Variants in XKR4 observed in about 807,000 individuals in gnomAD.
XKR4 encodes XK related 4.
In XKR4, 12 loss-of-function variants were observed where a neutral mutation model predicts 53.9. The observed-to-expected ratio is 0.22, with a 90% CI of 0.14 to 0.36. The LOEUF is 0.36. Among genes scored for constraint, XKR4 ranks in the 10% least tolerant of loss-of-function variants. The pLI is 1.00. For synonymous variants in XKR4, 354 were observed against 362.4 expected (o/e 0.98, Z 0.26); for missense variants, 799 against 859.5 (o/e 0.93, Z 0.88).
chr8:55,116,276 A>T (rs895307267), intron 1 of XKR4, among the ~76,000 whole-genome samples: 1 of 152,088 alleles, frequency 6.6e-6, no homozygotes, highest in Non-Finnish European at 1.5e-5. Context: ...CTGAGATAGG[A>T]ACTGAGGAAA....
intron 1 of XKR4, among the ~76,000 whole-genome samples, chr8:55,341,436 A>G (rs528030049): frequency 6.6e-6 from 1 of 152,298 alleles, no homozygotes; most frequent in African/African-American, 2.4e-5. Context: ...AGGATGTACC[A>G]GAGTGTGAGT....
At chr8:55,490,653 T>C (rs1044741044) in intron 2 of XKR4, among the ~76,000 whole-genome samples, 1 of 152,194 alleles carries the variant, frequency 6.6e-6, no homozygotes, top group African/African-American at 2.4e-5. Flanking sequence ...TCTCCTGGCT[T>C]GCATTGTTTA....
intron 1 of XKR4, among the ~76,000 whole-genome samples, chr8:55,289,851 G>GAAAGAAAGAAA (rs1818990790): frequency 7.4e-6 from 1 of 135,618 alleles, no homozygotes; most frequent in African/African-American, 3.0e-5. Flanking sequence ...AAAGAAAGAA[G>GAAAGAAAGAAA]GAAAGAAAGA....
intron 2 of XKR4, among the ~76,000 whole-genome samples, chr8:55,389,326 C>G (rs568886631): frequency 6.6e-6 from 1 of 152,290 alleles, no homozygotes; most frequent in African/African-American, 2.4e-5. Flanking sequence ...TATTCTCAGC[C>G]TGATAGGAAA....
At chr8:55,483,037 A>G (rs1806134573) in intron 2 of XKR4, among the ~76,000 whole-genome samples, 1 of 152,222 alleles carries the variant, frequency 6.6e-6, no homozygotes, top group South Asian at 2.1e-4. Context: ...GTAAATGAAT[A>G]TGAGTGCAAA....
At chr8:55,340,603 G>A (rs1023973113) in intron 1 of XKR4, among the ~76,000 whole-genome samples, 5 of 152,188 alleles carry the variant, frequency 3.3e-5, no homozygotes, top group African/African-American at 1.2e-4. Flanking sequence ...CCTTCCCAGC[G>A]CAGTCACCTC....
At chr8:55,489,516 G>T (rs992598634) in intron 2 of XKR4, among the ~76,000 whole-genome samples, 7 of 151,970 alleles carry the variant, frequency 4.6e-5, no homozygotes, top group African/African-American at 1.7e-4. Context: ...GGACTTAAAA[G>T]ATGAAGTCCT....
intron 1 of XKR4, among the ~76,000 whole-genome samples, chr8:55,343,949 C>T (rs1365478292): frequency 1.3e-5 from 2 of 152,150 alleles, no homozygotes; most frequent in Admixed American, 6.5e-5. Context: ...CCTCTGAAAG[C>T]GTTCAGATGA....
At chr8:55,217,927 C>T (rs1275778738) in intron 1 of XKR4, among the ~76,000 whole-genome samples, 1 of 152,126 alleles carries the variant, frequency 6.6e-6, no homozygotes, top group African/African-American at 2.4e-5. Flanking sequence ...TTTGTTCTAT[C>T]CAGTACTTCA....
In XKR4 at chr8:55,477,354, T is replaced by C. The variant is rs528870182; in HGVS notation, c.1007-45927T>C. Among the ~76,000 whole-genome samples the C allele has an allele frequency of 7.6e-3, 1,156 of 152,204 alleles. 14 individuals carry two copies. The highest frequency in any genetic ancestry group is 0.029 in the South Asian group (141 of 4,832). On this transcript the variant is annotated intron_variant, in intron 2 of 2. Coordinates refer to ENST00000327381, the MANE Select transcript of XKR4 (RefSeq NM_052898.2). The stretch of plus-strand genomic sequence containing the variant: ...ACCTGCAGCTGAGGGTCCTGTCTGT[T>C]AGAAGGAAAACTAACAAACAGAAAG...
At position 55,470,193 on chromosome 8, in the gene XKR4, C is replaced by T. The variant is rs142144482; in HGVS notation, c.1007-53088C>T. The stretch of plus-strand genomic sequence containing the variant: ...TTATTACCGAAGGCACAGAAGCATG[C>T]GTCAGATAATAATATTGGGGGGAAA... On this transcript the variant is annotated intron_variant, in intron 2 of 2. Coordinates refer to ENST00000327381, the MANE Select transcript of XKR4 (RefSeq NM_052898.2). Among the ~76,000 whole-genome samples the T allele has an allele frequency of 1.3e-3, 193 of 152,148 alleles. 2 individuals are homozygous for T. Among genetic ancestry groups the T allele is most frequent in the African/African-American group, 4.3e-3 (177 of 41,470 alleles).
At chr8:55,354,945 C>T (rs1366613314) in intron 1 of XKR4, among the ~76,000 whole-genome samples, 2 of 149,372 alleles carry the variant, frequency 1.3e-5, no homozygotes, top group African/African-American at 5.0e-5. Context: ...TTCTTGTTGC[C>T]CAGGATGGAG....
intron 2 of XKR4, among the ~76,000 whole-genome samples, chr8:55,363,102 G>T (rs1304577847): frequency 1.3e-5 from 2 of 152,138 alleles, no homozygotes; most frequent in Non-Finnish European, 2.9e-5. Flanking sequence ...CAACCTAAAT[G>T]TTTCCACTTT....
chr8:55,443,839 CAAA>C (rs1159375100), intron 2 of XKR4, among the ~76,000 whole-genome samples: 1 of 21,666 alleles, frequency 4.6e-5, no homozygotes, highest in Non-Finnish European at 8.2e-5. Flanking sequence ...AACTCCGTCT[CAAA>C]AAAAAAAAAA....
chr8:55,165,854 T>C (rs775590604), intron 1 of XKR4, among the ~76,000 whole-genome samples: 1 of 151,706 alleles, frequency 6.6e-6, no homozygotes, highest in Non-Finnish European at 1.5e-5. Flanking sequence ...TGAAATATGG[T>C]ATTTGAAGGT....
At chr8:55,428,373 C>T (rs1805049366) in intron 2 of XKR4, among the ~76,000 whole-genome samples, 1 of 152,312 alleles carries the variant, frequency 6.6e-6, no homozygotes, top group East Asian at 1.9e-4. Context: ...AAAGCCTGCG[C>T]TCTCTAGCCA....
intron 2 of XKR4, among the ~76,000 whole-genome samples, chr8:55,479,974 A>T (rs563974613): frequency 6.6e-6 from 1 of 152,308 alleles, no homozygotes; most frequent in South Asian, 2.1e-4. Flanking sequence ...CCAGAGGTAC[A>T]AGGAGGAGCT....
At chr8:55,452,882 G>T (rs1014555462) in intron 2 of XKR4, 36 of 778,048 alleles carry the variant, frequency 4.6e-5, no homozygotes, top group Non-Finnish European at 7.9e-5. Flanking sequence ...GCAGCAGGAG[G>T]TAGCTCACGC....
At chr8:55,521,828 T>TA (rs1165799211) in intron 2 of XKR4, among the ~76,000 whole-genome samples, 8 of 152,216 alleles carry the variant, frequency 5.3e-5, no homozygotes, top group Non-Finnish European at 1.0e-4. Flanking sequence ...CTCTTCCCTA[T>TA]AAAAATATTT....
Sources: allele counts gnomAD v4.1 joint callset (sites outside exome capture counted in the v4.1 genomes callset), GRCh38; gene constraint gnomAD v4.1.1; transcripts MANE v1.5; gene names NCBI Gene and HGNC (gene_info 2026-07-23, HGNC 2026-07-21).